The following SMCO3 variants were observed in gnomAD, a reference collection of about 807,000 sequenced individuals.
SMCO3 encodes single-pass membrane and coiled-coil domain-containing protein 3.
In SMCO3, 6 loss-of-function variants were observed where a neutral mutation model predicts 12.0. The ratio of observed to expected loss-of-function variants is 0.50; its 90% confidence interval spans 0.27 to 0.99. SMCO3 has a LOEUF of 0.99. SMCO3 is among the 50% of genes least tolerant of loss of function. SMCO3 has a pLI of 0.11. For synonymous variants in SMCO3, 96 were observed against 96.4 expected, an observed-to-expected ratio of 1.00 and a Z score of 0.02; for missense variants, 279 against 265.0, an observed-to-expected ratio of 1.05 and a Z score of -0.37.
chr12:14,804,938 G>C lies in SMCO3; in HGVS notation c.*1065C>G, dbSNP rs989901949. On this transcript the variant is annotated 3_prime_UTR_variant, in exon 2 of 2. Coordinates refer to ENST00000316048, the MANE Select transcript of SMCO3 (RefSeq NM_001013698.2). ...CAACAGCATATTAATAATTTTGTCA[G>C]TATAGACTAAAAGAGTCCTCATGGG... is the stretch of plus-strand genomic sequence containing the variant. 3.3e-5 allele frequency: 5 copies of C among 152,198 alleles called. No homozygotes were observed. The highest frequency in any genetic ancestry group is 1.3e-4 in the Admixed American group (2 of 15,278). 9.4% of individuals were successfully genotyped at this position (152,198 alleles called of 1,614,324 possible). A position where few individuals can be genotyped will look rare whatever the true frequency, so the allele number is the denominator to read the frequency against.
chr12:14,809,277 C>T (rs1452512248), intron 1 of SMCO3, among the ~76,000 whole-genome samples: 1 of 152,152 alleles, frequency 6.6e-6, no homozygotes, highest in African/African-American at 2.4e-5. Flanking sequence ...AAGTGGTCGG[C>T]TCCTTTTCAA....
rs1337023974 is a variant in SMCO3, at chr12:14,806,362, T to A, written c.319A>T (p.Thr107Ser). ...TTTTGCACTATTGCAATTTTGTCTG[T>A]TTCCTTTTCCTTAATATCCTGAAGT... ...RKLQDIKEKETDKIAIVQKVI... is the reference protein window; with the variant it reads ...RKLQDIKEKESDKIAIVQKVI... Residue 107 changes from threonine (T) to serine (S), a missense_variant, in exon 2 of 2, where the codon ACA becomes TCA. Coordinates refer to ENST00000316048, the MANE Select transcript of SMCO3 (RefSeq NM_001013698.2). 1.2e-6 allele frequency: 2 copies of A among 1,614,120 alleles called. No individual in the cohort carries two copies.
intron 1 of SMCO3, among the ~76,000 whole-genome samples, chr12:14,813,241 T>G (rs1950168127): frequency 6.6e-6 from 1 of 152,240 alleles, no homozygotes; most frequent in Non-Finnish European, 1.5e-5. Flanking sequence ...GTTAGTGCTC[T>G]CTGAGGTTTT....
rs940287078 is a variant in SMCO3 at position 14,804,999 on chromosome 12, C to A, written c.*1004G>T. On this transcript the variant is annotated 3_prime_UTR_variant, in exon 2 of 2. Transcript: ENST00000316048. Reference sequence around the variant, plus strand: ...TGGCAAAGGATTTAGAAAACAAACACATCTGCAGAGATTCAGCGGAACCAT... The same window carrying A: ...TGGCAAAGGATTTAGAAAACAAACAAATCTGCAGAGATTCAGCGGAACCAT... 2.0e-5 allele frequency: 3 copies of A among 152,132 alleles called. No homozygotes were observed. Among genetic ancestry groups the A allele is most frequent in the East Asian group, 3.8e-4 (2 of 5,202 alleles). The allele number at this position is 152,132 out of a possible 1,614,324, so 9.4% of individuals were successfully genotyped here.
Position 14,806,460 on chromosome 12 carries a change from A to T in SMCO3, c.221T>A (p.Met74Lys), listed in dbSNP as rs770276935. Residue 74 changes from methionine (M) to lysine (K), a missense_variant, in exon 2 of 2, where the codon ATG becomes AAG. Transcript: ENST00000316048. ...CTTCTGCAATTCCTTTTGGATTTTC[A>T]TAATGGCTTGGATGATGAGGTCACA... Reference protein sequence around the residue: ...ENCDLIIQAIMKIQKELQKVD... With the variant: ...ENCDLIIQAIKKIQKELQKVD... The T allele has an allele frequency of 1.9e-6, 3 of 1,614,042 alleles. No individual in the cohort carries two copies. The highest frequency in any genetic ancestry group is 2.5e-6 in the Non-Finnish European group (3 of 1,180,036).
At chr12:14,813,048 G>A (rs2137269242) in intron 1 of SMCO3, among the ~76,000 whole-genome samples, 1 of 152,238 alleles carries the variant, frequency 6.6e-6, no homozygotes, top group African/African-American at 2.4e-5. Context: ...AGAATAGTGG[G>A]GTAGGGTTAT....
At chr12:14,809,124 A>G (rs1480093051) in intron 1 of SMCO3, among the ~76,000 whole-genome samples, 1 of 152,170 alleles carries the variant, frequency 6.6e-6, no homozygotes, top group East Asian at 1.9e-4. Flanking sequence ...TCTTATCCTG[A>G]AAAAGTTCAA....
Position 14,806,183 on chromosome 12 carries a change from A to G in SMCO3, c.498T>C (p.Ala166=). The G allele has an allele frequency of 6.2e-7, 1 of 1,614,184 alleles. No homozygotes were observed. Among genetic ancestry groups the G allele is most frequent in the Non-Finnish European group, 8.5e-7 (1 of 1,180,040 alleles). The change falls in exon 2 of 2, where the codon GCT becomes GCC. Residue 166 remains alanine, a synonymous_variant. Coordinates refer to ENST00000316048, the MANE Select transcript of SMCO3 (RefSeq NM_001013698.2). ...GASLLGSIGV[A]VLGLGIDMIV... ...TCATATCTATGCCAAGGCCAAGAAC[A>G]GCAACTCCAATACTACCAAGGAGAG...
At chr12:14,807,868 G>GTAT (rs1950077389) in intron 1 of SMCO3, among the ~76,000 whole-genome samples, 1 of 152,112 alleles carries the variant, frequency 6.6e-6, no homozygotes, top group African/African-American at 2.4e-5. Context: ...TTTTACAAAA[G>GTAT]TATTAAAGAA....
intron 1 of SMCO3, among the ~76,000 whole-genome samples, chr12:14,808,474 T>G (rs1267015136): frequency 6.6e-6 from 1 of 152,108 alleles, no homozygotes; most frequent in Non-Finnish European, 1.5e-5. Context: ...GTAAATAATA[T>G]CGTAATTAAT....
chr12:14,805,884 T>G lies in SMCO3; in HGVS notation c.*119A>C. On this transcript the variant is annotated 3_prime_UTR_variant, in exon 2 of 2. Transcript: ENST00000316048. ...GGCATCTCCAGTTTCCCTCTCCAAATTGTTTATCTTATTTAAGTCCATATT... is the reference window on the plus strand; with the variant it reads ...GGCATCTCCAGTTTCCCTCTCCAAAGTGTTTATCTTATTTAAGTCCATATT... 1 of 1,038,938 alleles carries G rather than the reference T, an allele frequency of 9.6e-7. No individual in the cohort carries two copies. Among genetic ancestry groups the G allele is most frequent in the South Asian group, 1.6e-5 (1 of 61,212 alleles). 64.4% of individuals were successfully genotyped at this position (1,038,938 alleles called of 1,614,324 possible). A position where few individuals can be genotyped will look rare whatever the true frequency, so the allele number is the denominator to read the frequency against.
Position 14,805,553 on chromosome 12 carries a change from C to T in SMCO3, c.*450G>A, listed in dbSNP as rs535855239. On this transcript the variant is annotated 3_prime_UTR_variant, in exon 2 of 2. Transcript: ENST00000316048. Reference sequence around the variant, plus strand: ...AATATGGTAGTATTTCTGTCTCATTCGAAGGCCTAGAGTTTGTGTCTAGGC... The same window carrying T: ...AATATGGTAGTATTTCTGTCTCATTTGAAGGCCTAGAGTTTGTGTCTAGGC... The T allele has an allele frequency of 6.5e-6, 1 of 154,304 alleles. No individual in the cohort carries two copies. Among genetic ancestry groups the T allele is most frequent in the Admixed American group, 6.4e-5 (1 of 15,506 alleles). The allele number at this position is 154,304 out of a possible 1,614,324, so 9.6% of individuals were successfully genotyped here. A position where few individuals can be genotyped will look rare whatever the true frequency, so the allele number is the denominator to read the frequency against.
chr12:14,807,198 C>T (rs1950065234), intron 1 of SMCO3, among the ~76,000 whole-genome samples: 1 of 152,162 alleles, frequency 6.6e-6, no homozygotes, highest in African/African-American at 2.4e-5. Flanking sequence ...GTGTAGGCAA[C>T]AGAATACAAC....
At chr12:14,809,092 G>C (rs1431901095) in intron 1 of SMCO3, among the ~76,000 whole-genome samples, 1 of 152,108 alleles carries the variant, frequency 6.6e-6, no homozygotes, top group African/African-American at 2.4e-5. Flanking sequence ...TTCCTTTTCA[G>C]ACAGTTAGGT....
At chr12:14,806,726 A>C in intron 1 of SMCO3, 30 bp from the exon 2 acceptor site, 1 of 1,527,580 alleles carries the variant, frequency 6.5e-7, no homozygotes, top group Non-Finnish European at 8.8e-7. Flanking sequence ...ATTTTTACTG[A>C]AAGTCTTAAA....
At chr12:14,812,931 A>T (rs570010919) in intron 1 of SMCO3, among the ~76,000 whole-genome samples, 6 of 152,248 alleles carry the variant, frequency 3.9e-5, no homozygotes, top group African/African-American at 1.4e-4. Context: ...GGGAAGAGTA[A>T]GGTTAAATTT....
intron 1 of SMCO3, among the ~76,000 whole-genome samples, chr12:14,810,004 G>A (rs146105816): frequency 1.9e-3 from 285 of 152,260 alleles, no homozygotes; most frequent in African/African-American, 6.5e-3. Flanking sequence ...TTGCACTTGC[G>A]CTTAGACTCT....
At position 14,805,493 on chromosome 12, in the gene SMCO3, G is replaced by C. The variant is rs1950033751; in HGVS notation, c.*510C>G. ...ACAAACCATTTTTCAGTCTCTTCTA[G>C]TTTACAGAAAACCAGATTTACTCTG... On this transcript the variant is annotated 3_prime_UTR_variant, in exon 2 of 2. Coordinates refer to ENST00000316048, the MANE Select transcript of SMCO3 (RefSeq NM_001013698.2). 2 of 152,868 alleles carry C rather than the reference G, an allele frequency of 1.3e-5. No individual in the cohort carries two copies. Among genetic ancestry groups the C allele is most frequent in the African/African-American group, 4.8e-5 (2 of 41,422 alleles). 9.5% of individuals were successfully genotyped at this position (152,868 alleles called of 1,614,324 possible).
chr12:14,805,704 C>A lies in SMCO3; in HGVS notation c.*299G>T. On this transcript the variant is annotated 3_prime_UTR_variant, in exon 2 of 2. Coordinates refer to ENST00000316048, the MANE Select transcript of SMCO3 (RefSeq NM_001013698.2). ...AAATTAGAAAAGAGAAAAGTAACCC[C>A]TATACTTGCTACTCTACGATAGCAT... The A allele has an allele frequency of 3.5e-6, 1 of 287,144 alleles. No homozygotes were observed. The highest frequency in any genetic ancestry group is 6.4e-6 in the Non-Finnish European group (1 of 155,508). 17.8% of individuals were successfully genotyped at this position (287,144 alleles called of 1,614,324 possible). A position where few individuals can be genotyped will look rare whatever the true frequency, so the allele number is the denominator to read the frequency against.
Sources: allele counts gnomAD v4.1 joint callset (sites outside exome capture counted in the v4.1 genomes callset), GRCh38; gene constraint gnomAD v4.1.1; transcripts MANE v1.5; gene names NCBI Gene and HGNC (gene_info 2026-07-23, HGNC 2026-07-21).